Variants in C2CD5 observed in about 807,000 individuals in gnomAD.
C2CD5 encodes C2 calcium dependent domain containing 5.
C2CD5 carries 109 observed loss-of-function variants against 130.3 expected under a neutral mutation model. The ratio of observed to expected loss-of-function variants is 0.84; its 90% confidence interval spans 0.72 to 0.98. The LOEUF is 0.98. Among genes scored for constraint, C2CD5 ranks in the 50% least tolerant of loss-of-function variants. C2CD5 has a pLI of 0.00. For synonymous variants in C2CD5, 454 were observed against 429.2 expected, an observed-to-expected ratio of 1.06 and a Z score of -0.71; for missense variants, 996 against 1,261.8, an observed-to-expected ratio of 0.79 and a Z score of 3.19.
chr12:22,512,714 G>A, intron 9 of C2CD5: 2 of 1,397,880 alleles, frequency 1.4e-6, no homozygotes, highest in Non-Finnish European at 1.9e-6. Context: ...AAAAAAAAGA[G>A]AGAGAGAGAA....
At chr12:22,481,849 G>A (rs939960307) in intron 14 of C2CD5, among the ~76,000 whole-genome samples, 1 of 146,412 alleles carries the variant, frequency 6.8e-6, no homozygotes, top group African/African-American at 2.5e-5. Context: ...ACCCGGGCTG[G>A]TCTAACTTCT....
rs547958779 is a variant in C2CD5, at chr12:22,462,816, G to C, written c.2534-3274C>G. On this transcript the variant is annotated intron_variant, in intron 22 of 26. Transcript: ENST00000446597. The stretch of plus-strand genomic sequence containing the variant: ...AAGTAGGACATTCTGGCCAGGGGCA[G>C]TGGTTCACACCTGTAATCTCAGCAC... Among the ~76,000 whole-genome samples the C allele has an allele frequency of 4.6e-5, 7 of 152,324 alleles. No individual in the cohort carries two copies. The East Asian group carries it at 1.4e-3, about 29-fold the overall frequency.
chr12:22,457,975 A>C (rs1262685235), intron 24 of C2CD5, among the ~76,000 whole-genome samples: 4 of 152,130 alleles, frequency 2.6e-5, no homozygotes, highest in Non-Finnish European at 5.9e-5. Flanking sequence ...ATGTACGGTA[A>C]GCTCTTTCAC....
chr12:22,538,631 C>T (rs1346414335), intron 2 of C2CD5, among the ~76,000 whole-genome samples: 1 of 152,184 alleles, frequency 6.6e-6, no homozygotes, highest in South Asian at 2.1e-4. Flanking sequence ...TAATCTGTAT[C>T]CCCCTTTCCT....
At chr12:22,487,763 T>A (rs994329912) in intron 12 of C2CD5, among the ~76,000 whole-genome samples, 2 of 152,044 alleles carry the variant, frequency 1.3e-5, no homozygotes, top group Non-Finnish European at 2.9e-5. Context: ...GTATGTTTAT[T>A]GCGGCACTAT....
At chr12:22,544,030 T>G (rs770070561) in intron 2 of C2CD5, 31 bp downstream of exon 2, 3 of 1,531,276 alleles carry the variant, frequency 2.0e-6, no homozygotes, top group Non-Finnish European at 2.7e-6. Context: ...TGGCGCTCCC[T>G]GTGTTTTGAG....
At chr12:22,544,271 C>G (rs1952727532) in intron 1 of C2CD5, 49 bp downstream of exon 1, 1 of 874,332 alleles carries the variant, frequency 1.1e-6, no homozygotes, top group Non-Finnish European at 1.6e-6. Context: ...AAGGAGCGCG[C>G]GGGGGCGCGC....
At position 22,513,290 on chromosome 12, in the gene C2CD5, T is replaced by C. The variant is rs1208871463; in HGVS notation, c.1038+4A>G. ...AAGAACAAAGAATATCAAGTGAATC[T>C]TACCCTCTGTTCCAACGCTGATTGA... is the stretch of plus-strand genomic sequence containing the variant. On this transcript the variant is annotated splice_donor_region_variant and intron_variant, in intron 9 of 26. Coordinates refer to ENST00000446597, the MANE Select transcript of C2CD5 (RefSeq NM_001286176.2). 6.3e-7 allele frequency: 1 copy of C among 1,591,842 alleles called. No homozygotes were observed. Among genetic ancestry groups the C allele is most frequent in the Admixed American group, 1.7e-5 (1 of 59,952 alleles).
rs760361241 is a variant in C2CD5 at position 22,506,702 on chromosome 12, A to G, written c.1147+9T>C. Reference sequence around the variant, plus strand: ...ATAAAGGAAACATTGAAACTTTTTAAGAACATACCAGGATTGTGGATACGA... The same window carrying G: ...ATAAAGGAAACATTGAAACTTTTTAGGAACATACCAGGATTGTGGATACGA... On this transcript the variant is annotated intron_variant, in intron 10 of 26. Coordinates refer to ENST00000446597, the MANE Select transcript of C2CD5 (RefSeq NM_001286176.2). 1.4e-6 allele frequency: 2 copies of G among 1,445,534 alleles called. No individual in the cohort carries two copies. Among genetic ancestry groups the G allele is most frequent in the South Asian group, 1.2e-5 (1 of 84,626 alleles). 89.5% of individuals were successfully genotyped at this position (1,445,534 alleles called of 1,614,324 possible).
At chr12:22,475,754 C>CT (rs1219762692) in intron 15 of C2CD5, among the ~76,000 whole-genome samples, 1 of 152,116 alleles carries the variant, frequency 6.6e-6, no homozygotes, top group Non-Finnish European at 1.5e-5. Context: ...CTATGGAGCA[C>CT]TTTCACATCA....
chr12:22,473,303 C>G (rs1253961877), intron 16 of C2CD5, among the ~76,000 whole-genome samples: 1 of 152,102 alleles, frequency 6.6e-6, no homozygotes, highest in African/African-American at 2.4e-5. Context: ...GGGAAACTAT[C>G]CAGCTGGACA....
chr12:22,486,902 G>T (rs564116265), intron 12 of C2CD5, among the ~76,000 whole-genome samples: 3 of 151,942 alleles, frequency 2.0e-5, no homozygotes, highest in Non-Finnish European at 2.9e-5. Flanking sequence ...ATAATGCCAC[G>T]CATCTACAAC....
chr12:22,479,603 C>G (rs1426738732), intron 14 of C2CD5, among the ~76,000 whole-genome samples: 1 of 152,138 alleles, frequency 6.6e-6, no homozygotes, highest in Non-Finnish European at 1.5e-5. Flanking sequence ...GAGTGTTTCT[C>G]ACTCTAAAAC....
intron 10 of C2CD5, among the ~76,000 whole-genome samples, chr12:22,504,978 G>C (rs1044021527): frequency 3.3e-5 from 5 of 151,862 alleles, no homozygotes; most frequent in Admixed American, 6.6e-5. Context: ...AACTAAAGAA[G>C]GGGAAAAAAA....
intron 22 of C2CD5, among the ~76,000 whole-genome samples, chr12:22,466,527 T>A (rs975094011): frequency 6.6e-6 from 1 of 152,184 alleles, no homozygotes; most frequent in African/African-American, 2.4e-5. Flanking sequence ...CCTTCTTTCA[T>A]GTTACAACAC....
chr12:22,544,273 G>A (rs886851690), intron 1 of C2CD5, 47 bp downstream of exon 1: 7 of 871,340 alleles, frequency 8.0e-6, no homozygotes, highest in South Asian at 2.0e-5. Context: ...GGAGCGCGCG[G>A]GGGCGCGCGC....
At chr12:22,452,809 G>GTAC (rs1189926978) in intron 26 of C2CD5, among the ~76,000 whole-genome samples, 1 of 152,194 alleles carries the variant, frequency 6.6e-6, no homozygotes, top group African/African-American at 2.4e-5. Context: ...GCATGTGCCA[G>GTAC]TAGTCCCAGC....
chr12:22,516,499 G>A (rs1354986457), intron 8 of C2CD5, among the ~76,000 whole-genome samples: 2 of 150,922 alleles, frequency 1.3e-5, no homozygotes, highest in Non-Finnish European at 3.0e-5. Context: ...GATAAAATAT[G>A]ACAAGTTCAT....
chr12:22,505,488 T>C (rs1208151087), intron 10 of C2CD5, among the ~76,000 whole-genome samples: 1 of 152,158 alleles, frequency 6.6e-6, no homozygotes, highest in Non-Finnish European at 1.5e-5. Context: ...TTTTTATAGC[T>C]GTCAATACAA....
Sources: allele counts gnomAD v4.1 joint callset (sites outside exome capture counted in the v4.1 genomes callset), GRCh38; gene constraint gnomAD v4.1.1; transcripts MANE v1.5; gene names NCBI Gene and HGNC (gene_info 2026-07-23, HGNC 2026-07-21).